The following RGS5 variants were observed in gnomAD, a reference collection of about 807,000 sequenced individuals.
RGS5 encodes regulator of G protein signaling 5.
In RGS5, 20 loss-of-function variants were observed where a neutral mutation model predicts 18.9. The ratio of observed to expected loss-of-function variants is 1.06; its 90% confidence interval spans 0.74 to 1.54. The LOEUF (loss-of-function observed/expected upper bound fraction) is 1.54, where lower values mean the gene tolerates loss of function less well. Ranked by LOEUF, RGS5 falls within the 40% of genes most tolerant of loss-of-function variation. The pLI is 0.00. For missense variants in RGS5, 201 were observed against 211.8 expected (o/e 0.95, Z 0.32); for synonymous variants, 57 against 76.2 (o/e 0.75, Z 1.31).
intron 2 of RGS5, among the ~76,000 whole-genome samples, chr1:163,293,891 A>C (rs1016895986): frequency 4.6e-5 from 7 of 152,232 alleles, no homozygotes; most frequent in Admixed American, 3.3e-4. Flanking sequence ...CAGGGCACTC[A>C]TTAAAGCTTA....
chr1:163,205,496 G>A (rs1306729932), upstream of RGS5, among the ~76,000 whole-genome samples: 1 of 152,036 alleles, frequency 6.6e-6, no homozygotes, highest in Non-Finnish European at 1.5e-5. Flanking sequence ...GTATAAATCT[G>A]TAATAGCAAA....
rs189008728 is a variant in RGS5 at position 163,209,562 on chromosome 1, T to C, written c.69+7964A>G. Among the ~76,000 whole-genome samples the C allele has an allele frequency of 5.1e-4, 77 of 152,288 alleles. 1 individual carries two copies. In the East Asian group the frequency reaches 0.014, roughly 28 times the overall value. On this transcript the variant is annotated intron_variant, in intron 1 of 5. Coordinates refer to the RGS5 transcript ENST00000367903. ...ACTTGTGTATCTGCCAAGAGTGTTTTATAATTTTCCTTTTGTTGGTTTTAT... is the reference window on the plus strand; with the variant it reads ...ACTTGTGTATCTGCCAAGAGTGTTTCATAATTTTCCTTTTGTTGGTTTTAT...
At chr1:163,231,773 C>T (rs1278352521) in intron 2 of RGS5, among the ~76,000 whole-genome samples, 2 of 109,298 alleles carry the variant, frequency 1.8e-5, no homozygotes, top group Admixed American at 8.9e-5. Flanking sequence ...AAAAAAAAGG[C>T]TAAATAGAAC....
At chr1:163,172,959 CAT>C (rs1336020564) in intron 1 of RGS5, among the ~76,000 whole-genome samples, 5 of 152,146 alleles carry the variant, frequency 3.3e-5, no homozygotes, top group Admixed American at 3.3e-4. Flanking sequence ...GCCTCACAGA[CAT>C]ATGAAAATAA....
At chr1:163,183,295 T>C (rs2102418288) in intron 1 of RGS5, among the ~76,000 whole-genome samples, 1 of 152,318 alleles carries the variant, frequency 6.6e-6, no homozygotes, top group South Asian at 2.1e-4. Context: ...TCAGGAACAA[T>C]CTACTGATTC....
At chr1:163,220,251 C>T (rs1647203623), upstream of RGS5, among the ~76,000 whole-genome samples, 1 of 152,022 alleles carries the variant, frequency 6.6e-6, no homozygotes, top group African/African-American at 2.4e-5. Flanking sequence ...GGGTTGTGTA[C>T]CTTTTTCTTA....
intron 2 of RGS5, among the ~76,000 whole-genome samples, chr1:163,165,017 T>C (rs1657978758): frequency 6.6e-6 from 1 of 152,198 alleles, no homozygotes; most frequent in Admixed American, 6.5e-5. Flanking sequence ...ATGACCAGGC[T>C]CAAGTTTATG....
At chr1:163,251,605 C>T (rs150418673) in intron 2 of RGS5, among the ~76,000 whole-genome samples, 234 of 152,208 alleles carry the variant, frequency 1.5e-3, no homozygotes, top group African/African-American at 5.2e-3. Flanking sequence ...GCTTTAAATG[C>T]TATCTGTATG....
upstream of RGS5, among the ~76,000 whole-genome samples, chr1:163,204,428 C>T (rs1166710109): frequency 6.6e-6 from 1 of 152,000 alleles, no homozygotes; most frequent in Non-Finnish European, 1.5e-5. Context: ...TAGCTCACTG[C>T]ATCATCAAAC....
intron 4 of RGS5, among the ~76,000 whole-genome samples, chr1:163,147,918 CTTTTTT>C (rs534448527): frequency 2.6e-5 from 2 of 78,092 alleles, no homozygotes; most frequent in Admixed American, 1.8e-4. Flanking sequence ...TTTTCTTTTT[CTTTTTT>C]TTTTTTTTTT....
chr1:163,149,651 T>C (rs975700983), intron 4 of RGS5, among the ~76,000 whole-genome samples: 1 of 152,198 alleles, frequency 6.6e-6, no homozygotes, highest in Non-Finnish European at 1.5e-5. Context: ...ATTATCTACT[T>C]ATTGACTTCC....
intron 2 of RGS5, among the ~76,000 whole-genome samples, chr1:163,231,877 A>G (rs944051184): frequency 3.9e-5 from 6 of 152,132 alleles, no homozygotes; most frequent in Non-Finnish European, 7.4e-5. Context: ...TTATATGTGC[A>G]GAAGTAAAGT....
chr1:163,278,347 A>T (rs1332936962), intron 2 of RGS5, among the ~76,000 whole-genome samples: 5 of 152,118 alleles, frequency 3.3e-5, no homozygotes, highest in Admixed American at 3.3e-4. Flanking sequence ...GAAAGAAAAA[A>T]CTGCTGGAAA....
chr1:163,272,376 T>G (rs960722672), intron 2 of RGS5, among the ~76,000 whole-genome samples: 9 of 152,086 alleles, frequency 5.9e-5, no homozygotes, highest in African/African-American at 2.2e-4. Context: ...CTTTTCTTCA[T>G]GGTATCCTTT....
At chr1:163,273,088 G>C (rs1439084803) in intron 2 of RGS5, among the ~76,000 whole-genome samples, 1 of 151,928 alleles carries the variant, frequency 6.6e-6, no homozygotes, top group Non-Finnish European at 1.5e-5. Context: ...GTTGTGGTCA[G>C]AGAACATACT....
At chr1:163,319,356 G>A (rs544758587) in intron 1 of RGS5, 5 of 152,322 alleles carry the variant, frequency 3.3e-5, no homozygotes, top group South Asian at 2.1e-4. Context: ...AGATGCATAC[G>A]AATGTGTTAT....
chr1:163,193,052 T>G (rs1659420193), intron 1 of RGS5, among the ~76,000 whole-genome samples: 1 of 152,196 alleles, frequency 6.6e-6, no homozygotes, highest in Non-Finnish European at 1.5e-5. Context: ...CTCCACATAC[T>G]TCGCTAATAA....
chr1:163,307,397 G>GAA (rs1478152139), intron 1 of RGS5, among the ~76,000 whole-genome samples: 2 of 152,096 alleles, frequency 1.3e-5, no homozygotes, highest in Non-Finnish European at 2.9e-5. Context: ...TGTGTGACAT[G>GAA]AAAGTGAGAA....
rs561491634 is a variant in RGS5 at position 163,262,532 on chromosome 1, C to T, written c.-281+43701G>A. On this transcript the variant is annotated intron_variant, in intron 2 of 5. Transcript: ENST00000618415. ...ATAGTATTCCATGGTGTATATGTGC[C>T]ACATTTTCTTAATCCAGTCTATCAT... is the stretch of plus-strand genomic sequence containing the variant. 5.3e-3 allele frequency among the ~76,000 whole-genome samples: 410 copies of T among 76,694 alleles called. 3 individuals carry two copies. The highest frequency in any genetic ancestry group is 8.9e-3 in the Non-Finnish European group (344 of 38,864). The allele number at this position is 76,694 out of a possible 152,430, so 50.3% of individuals were successfully genotyped here.
Sources: allele counts gnomAD v4.1 joint callset (sites outside exome capture counted in the v4.1 genomes callset), GRCh38; gene constraint gnomAD v4.1.1; transcripts MANE v1.5; gene names NCBI Gene and HGNC (gene_info 2026-07-23, HGNC 2026-07-21).